Variants in TTLL5 observed in about 807,000 individuals in gnomAD.
TTLL5 encodes the protein tubulin polyglutamylase TTLL5.
A neutral mutation model predicts 168.4 loss-of-function variants in TTLL5; 132 were observed. That is an observed-to-expected ratio of 0.78 (90% CI 0.68 to 0.91). TTLL5 has a LOEUF of 0.91. TTLL5 is among the 40% of genes least tolerant of loss of function. The pLI is 0.00. For missense variants in TTLL5, 1,545 were observed against 1,581.5 expected (o/e 0.98, Z 0.39); for synonymous variants, 546 against 558.6 (o/e 0.98, Z 0.32).
At chr14:75,717,609 A>G (rs1379884801) in intron 9 of TTLL5, among the ~76,000 whole-genome samples, 2 of 152,216 alleles carry the variant, frequency 1.3e-5, no homozygotes, top group African/African-American at 2.4e-5. Flanking sequence ...GTTATTTAAT[A>G]GACCACATTT....
intron 18 of TTLL5, chr14:75,757,727 T>C: frequency 1.0e-6 from 1 of 1,001,704 alleles, no homozygotes; most frequent in Non-Finnish European, 1.4e-6. Context: ...TAATGTCATG[T>C]TGAATTTCTG....
intron 6 of TTLL5, among the ~76,000 whole-genome samples, chr14:75,697,801 A>AG (rs912063310): frequency 6.6e-6 from 1 of 152,220 alleles, no homozygotes; most frequent in Non-Finnish European, 1.5e-5. Context: ...TCCAACCAGA[A>AG]GAACAGAAAC....
chr14:75,666,845 A>G (rs559210150), intron 2 of TTLL5, among the ~76,000 whole-genome samples: 1 of 152,350 alleles, frequency 6.6e-6, no homozygotes, highest in South Asian at 2.1e-4. Flanking sequence ...AAATGTTTTT[A>G]GGCTTTCAAT....
intron 18 of TTLL5, among the ~76,000 whole-genome samples, chr14:75,756,822 T>C (rs773429031): frequency 3.0e-4 from 45 of 151,674 alleles, no homozygotes; most frequent in Non-Finnish European, 2.1e-4. Context: ...TTTTTAAGAG[T>C]GTTAAATGAA....
chr14:75,793,140 G>A (rs924423087), intron 27 of TTLL5, 40 bp downstream of exon 27: 1 of 1,495,164 alleles, frequency 6.7e-7, no homozygotes, highest in Non-Finnish European at 9.0e-7. Flanking sequence ...CTTTGGACCT[G>A]AGGATAGAAT....
chr14:75,733,945 C>T (rs987217551), intron 13 of TTLL5, 44 bp from the exon 14 acceptor site: 5 of 1,581,464 alleles, frequency 3.2e-6, no homozygotes, highest in South Asian at 1.1e-5. Context: ...ATTCTGTTAA[C>T]CTACACACTT....
chr14:75,805,951 G>A lies in TTLL5; in HGVS notation c.3171+12851G>A, dbSNP rs1434928011. On this transcript the variant is annotated intron_variant, in intron 27 of 31. Coordinates refer to ENST00000298832, the MANE Select transcript of TTLL5 (RefSeq NM_015072.5). Reference sequence around the variant, plus strand: ...AGGCCTTTATTATCTCTTGGATGGAGAGCTGCAATTACCTTTTCACTGGTT... The same window carrying A: ...AGGCCTTTATTATCTCTTGGATGGAAAGCTGCAATTACCTTTTCACTGGTT... 3.3e-5 allele frequency among the ~76,000 whole-genome samples: 5 copies of A among 151,874 alleles called. No individual in the cohort carries two copies. In the East Asian group the frequency reaches 7.7e-4, roughly 23 times the overall value.
At chr14:75,945,712 GACA>G (rs139730336) in intron 31 of TTLL5, among the ~76,000 whole-genome samples, 2,352 of 152,228 alleles carry the variant, frequency 0.015, 39 homozygotes, top group African/African-American at 0.035. Context: ...GAAAAAATGG[GACA>G]ACATTTGAAG....
At chr14:75,813,065 G>A (rs1894149884) in intron 27 of TTLL5, among the ~76,000 whole-genome samples, 1 of 152,158 alleles carries the variant, frequency 6.6e-6, no homozygotes, top group African/African-American at 2.4e-5. Flanking sequence ...TCCAGGGGCT[G>A]ACACATAATA....
At chr14:75,818,825 C>T (rs1029437194) in intron 27 of TTLL5, among the ~76,000 whole-genome samples, 3 of 152,012 alleles carry the variant, frequency 2.0e-5, no homozygotes, top group South Asian at 2.1e-4. Context: ...TTAATGCATA[C>T]GTAATATTGT....
chr14:75,774,862 T>C (rs1377341822), intron 21 of TTLL5, among the ~76,000 whole-genome samples: 1 of 152,004 alleles, frequency 6.6e-6, no homozygotes, highest in Non-Finnish European at 1.5e-5. Flanking sequence ...CTAATTTTTG[T>C]ATTTTTCGTA....
intron 28 of TTLL5, among the ~76,000 whole-genome samples, chr14:75,843,636 G>T (rs568670510): frequency 6.6e-6 from 1 of 152,332 alleles, no homozygotes; most frequent in South Asian, 2.1e-4. Context: ...CTCAGATTCT[G>T]CAGTTAGCTA....
At chr14:75,913,391 G>A (rs996152284) in intron 31 of TTLL5, among the ~76,000 whole-genome samples, 16 of 152,026 alleles carry the variant, frequency 1.1e-4, no homozygotes, top group Non-Finnish European at 1.5e-5. Context: ...TTAGAACTCT[G>A]TAATTACCTC....
At chr14:75,809,781 C>T (rs1246264298) in intron 27 of TTLL5, among the ~76,000 whole-genome samples, 1 of 152,160 alleles carries the variant, frequency 6.6e-6, no homozygotes, top group Non-Finnish European at 1.5e-5. Context: ...ATGAAATCCA[C>T]TCTTTTAGTT....
intron 27 of TTLL5, among the ~76,000 whole-genome samples, chr14:75,807,887 G>C (rs1214752110): frequency 6.6e-6 from 1 of 152,210 alleles, no homozygotes; most frequent in Non-Finnish European, 1.5e-5. Context: ...TTCTTGATTT[G>C]AAATGCTTCT....
At chr14:75,738,626 A>G (rs1423269873) in intron 15 of TTLL5, among the ~76,000 whole-genome samples, 1 of 152,174 alleles carries the variant, frequency 6.6e-6, no homozygotes, top group African/African-American at 2.4e-5. Context: ...ATACCTAAGT[A>G]TGCTAGTTGC....
chr14:75,725,872 A>G (rs1368914754), intron 12 of TTLL5, among the ~76,000 whole-genome samples: 9 of 152,198 alleles, frequency 5.9e-5, no homozygotes, highest in East Asian at 1.9e-4. Flanking sequence ...TAGTTAACCA[A>G]TTGGCTGTGG....
At chr14:75,765,386 C>T (rs866977824) in intron 19 of TTLL5, among the ~76,000 whole-genome samples, 5 of 151,946 alleles carry the variant, frequency 3.3e-5, no homozygotes, top group Middle Eastern at 3.2e-3. Flanking sequence ...AAAGATATTC[C>T]CCTGTTCTTT....
At chr14:75,903,923 T>C (rs2033034203) in intron 31 of TTLL5, among the ~76,000 whole-genome samples, 1 of 150,338 alleles carries the variant, frequency 6.7e-6, no homozygotes, top group South Asian at 2.1e-4. Context: ...AAAAGCCAGT[T>C]ACTTGACTAC....
Sources: allele counts gnomAD v4.1 joint callset (sites outside exome capture counted in the v4.1 genomes callset), GRCh38; gene constraint gnomAD v4.1.1; transcripts MANE v1.5; gene names NCBI Gene and HGNC (gene_info 2026-07-23, HGNC 2026-07-21).